Variants in PLCL1 observed in about 807,000 individuals in gnomAD.
PLCL1 encodes inactive phospholipase C-like protein 1.
Under a neutral mutation model 84.4 loss-of-function variants are expected in PLCL1, and 41 were observed. That is an observed-to-expected ratio of 0.49 (90% CI 0.38 to 0.63). The LOEUF (loss-of-function observed/expected upper bound fraction) is 0.63. Ranked by LOEUF, PLCL1 falls within the 30% of genes least tolerant of loss-of-function variation. The pLI, the probability that PLCL1 is intolerant of heterozygous loss-of-function variation, is 0.00. For synonymous variants in PLCL1, 490 were observed against 488.3 expected, an observed-to-expected ratio of 1.00 and a Z score of -0.05; for missense variants, 1,206 against 1,367.8, an observed-to-expected ratio of 0.88 and a Z score of 1.87.
chr2:197,915,705 G>A (rs1329627045), intron 1 of PLCL1, among the ~76,000 whole-genome samples: 1 of 152,060 alleles, frequency 6.6e-6, no homozygotes, highest in African/African-American at 2.4e-5. Context: ...CAGCTCAACT[G>A]CTTCCCTTCC....
At chr2:198,041,072 A>C (rs1215450123) in intron 1 of PLCL1, among the ~76,000 whole-genome samples, 1 of 152,210 alleles carries the variant, frequency 6.6e-6, no homozygotes, top group Non-Finnish European at 1.5e-5. Flanking sequence ...TGTGGCTGCC[A>C]GCAGTGTTAG....
chr2:197,995,251 A>C (rs1211787692), intron 1 of PLCL1, among the ~76,000 whole-genome samples: 1 of 152,086 alleles, frequency 6.6e-6, no homozygotes, highest in Admixed American at 6.6e-5. Flanking sequence ...GAATGGACCC[A>C]TTTGGAGAAC....
At chr2:198,109,832 T>A (rs1693572378) in intron 5 of PLCL1, among the ~76,000 whole-genome samples, 2 of 151,900 alleles carry the variant, frequency 1.3e-5, no homozygotes, top group Admixed American at 1.3e-4. Flanking sequence ...CTGTTGGCTA[T>A]TTTAAGAAAC....
chr2:198,122,109 T>C (rs1484442417), intron 5 of PLCL1, among the ~76,000 whole-genome samples: 1 of 152,126 alleles, frequency 6.6e-6, no homozygotes, highest in African/African-American at 2.4e-5. Context: ...GTGCCCATGT[T>C]TGATTTTTTG....
At chr2:198,122,700 A>G (rs902262666) in intron 5 of PLCL1, among the ~76,000 whole-genome samples, 5 of 152,146 alleles carry the variant, frequency 3.3e-5, no homozygotes, top group African/African-American at 1.2e-4. Flanking sequence ...AATATTCACC[A>G]TAAAGCTGGA....
intron 1 of PLCL1, among the ~76,000 whole-genome samples, chr2:197,990,080 A>G (rs1690308651): frequency 6.6e-6 from 1 of 152,196 alleles, no homozygotes; most frequent in Non-Finnish European, 1.5e-5. Flanking sequence ...GAGTCTTTAT[A>G]GAGTCTCTCA....
At chr2:197,852,819 C>T (rs1219663660) in intron 1 of PLCL1, among the ~76,000 whole-genome samples, 1 of 152,108 alleles carries the variant, frequency 6.6e-6, no homozygotes, top group Non-Finnish European at 1.5e-5. Context: ...TATCTATATA[C>T]ATCTATAATA....
At chr2:198,112,890 A>T (rs1693654635) in intron 5 of PLCL1, among the ~76,000 whole-genome samples, 1 of 151,874 alleles carries the variant, frequency 6.6e-6, no homozygotes, top group African/African-American at 2.4e-5. Context: ...TTTACAATGG[A>T]TATCATTGAT....
intron 5 of PLCL1, among the ~76,000 whole-genome samples, chr2:198,129,767 A>C (rs1161869784): frequency 6.6e-6 from 1 of 152,054 alleles, no homozygotes; most frequent in Non-Finnish European, 1.5e-5. Context: ...TCGCCTACAT[A>C]GTCAAACTTC....
chr2:198,082,312 C>T (rs958710245), intron 1 of PLCL1, among the ~76,000 whole-genome samples: 1 of 152,084 alleles, frequency 6.6e-6, no homozygotes, highest in Non-Finnish European at 1.5e-5. Flanking sequence ...AACATGGTGG[C>T]ACGTTCCTGT....
intron 5 of PLCL1, among the ~76,000 whole-genome samples, chr2:198,141,046 A>T (rs1295860479): frequency 6.6e-6 from 1 of 152,178 alleles, no homozygotes; most frequent in Non-Finnish European, 1.5e-5. Flanking sequence ...TTTGAAAAGC[A>T]GAGTTTCATT....
Position 197,804,955 on chromosome 2 carries a change from G to A in PLCL1, c.-145G>A. The A allele has an allele frequency of 1.9e-6, 2 of 1,037,384 alleles. No individual in the cohort carries two copies. Among genetic ancestry groups the A allele is most frequent in the Non-Finnish European group, 2.7e-6 (2 of 748,064 alleles). The allele number at this position is 1,037,384 out of a possible 1,614,324, so 64.3% of individuals were successfully genotyped here. ...TCTCCAGAAAGTTGCCGCCGCCGCCGCCGCCGCCGCCACTGCCGCCGCTGG... is the reference window on the plus strand; with the variant it reads ...TCTCCAGAAAGTTGCCGCCGCCGCCACCGCCGCCGCCACTGCCGCCGCTGG... On this transcript the variant is annotated 5_prime_UTR_variant, in exon 1 of 6. Coordinates refer to ENST00000428675, the MANE Select transcript of PLCL1 (RefSeq NM_006226.4).
intron 5 of PLCL1, among the ~76,000 whole-genome samples, chr2:198,128,929 C>T (rs183155796): frequency 3.3e-5 from 5 of 152,250 alleles, no homozygotes; most frequent in East Asian, 1.9e-4. Flanking sequence ...GAATTGGATA[C>T]GCTGCATTAT....
intron 1 of PLCL1, among the ~76,000 whole-genome samples, chr2:197,924,149 GGGAGA>G (rs1688787489): frequency 4.0e-5 from 5 of 125,470 alleles, no homozygotes; most frequent in African/African-American, 1.2e-4. Flanking sequence ...GAGAGGGAGA[GGGAGA>G]GGGAGAGGGA....
chr2:198,026,844 A>G (rs73058867), intron 1 of PLCL1, among the ~76,000 whole-genome samples: 30,870 of 152,068 alleles, frequency 0.2, 3,233 homozygotes, highest in East Asian at 0.26. Context: ...AGAATGGCTA[A>G]TATAGAAAAT....
At chr2:198,023,899 A>T (rs1017006324) in intron 1 of PLCL1, among the ~76,000 whole-genome samples, 1 of 152,234 alleles carries the variant, frequency 6.6e-6, no homozygotes, top group African/African-American at 2.4e-5. Flanking sequence ...ATTTCTGGGT[A>T]TATACCCAAA....
chr2:198,132,015 T>C (rs1285683538), intron 5 of PLCL1, among the ~76,000 whole-genome samples: 1 of 152,188 alleles, frequency 6.6e-6, no homozygotes, highest in African/African-American at 2.4e-5. Flanking sequence ...GAGCAAGAAT[T>C]GTAGATTTTC....
chr2:198,117,808 T>A (rs1693779399), intron 5 of PLCL1, among the ~76,000 whole-genome samples: 1 of 151,924 alleles, frequency 6.6e-6, no homozygotes, highest in East Asian at 1.9e-4. Context: ...CAATGTATAT[T>A]GTGTATCCTC....
rs146143800 is a variant in PLCL1 at position 197,993,377 on chromosome 2, T to A, written c.241-90381T>A. On this transcript the variant is annotated intron_variant, in intron 1 of 5. Transcript: ENST00000428675. Reference sequence around the variant, plus strand: ...GATTGTTTGTTTTTGTTGTTGAGCATCAGCATTCTTGGGTAGGATTTCTGG... The same window carrying A: ...GATTGTTTGTTTTTGTTGTTGAGCAACAGCATTCTTGGGTAGGATTTCTGG... Among the ~76,000 whole-genome samples, 93 of 152,286 alleles carry A rather than the reference T, an allele frequency of 6.1e-4. 3 individuals are homozygous for A. The South Asian group carries it at 0.013, about 22-fold the overall frequency.
Sources: allele counts gnomAD v4.1 joint callset (sites outside exome capture counted in the v4.1 genomes callset), GRCh38; gene constraint gnomAD v4.1.1; transcripts MANE v1.5; gene names NCBI Gene and HGNC (gene_info 2026-07-23, HGNC 2026-07-21).